Variants in TMEM165 observed in about 807,000 individuals in gnomAD.
The protein encoded by TMEM165 is transmembrane protein 165, also known as putative divalent cation/proton antiporter TMEM165.
TMEM165 carries 19 observed loss-of-function variants against 30.0 expected under a neutral mutation model. The ratio of observed to expected loss-of-function variants is 0.63; its 90% CI spans 0.44 to 0.93. TMEM165 has a LOEUF of 0.93. Among genes scored for constraint, TMEM165 ranks in the 40% least tolerant of loss-of-function variants. The pLI is 0.00. For missense variants in TMEM165, 340 were observed against 417.0 expected, an observed-to-expected ratio of 0.82 and a Z score of 1.61; for synonymous variants, 168 against 162.9, an observed-to-expected ratio of 1.03 and a Z score of -0.24.
Position 55,406,296 on chromosome 4 carries a change from A to C in TMEM165, c.208-5318A>C, listed in dbSNP as rs142634983. 3.0e-3 allele frequency among the ~76,000 whole-genome samples: 464 copies of C among 152,364 alleles called. 2 individuals carry two copies. Among genetic ancestry groups the C allele is most frequent in the African/African-American group, 0.01 (427 of 41,582 alleles). The stretch of plus-strand genomic sequence containing the variant: ...TTGAAATGGTACATAGCATGTGTCT[A>C]TAATGGTGTGAAAGTTAAAAATTCC... On this transcript the variant is annotated intron_variant, in intron 1 of 5. Coordinates refer to ENST00000381334, the MANE Select transcript of TMEM165 (RefSeq NM_018475.5).
chr4:55,448,601 C>CGCGCGCACGCGCGCGCGCGTGT (rs764071880), intron 3 of TMEM165, among the ~76,000 whole-genome samples: 3 of 116,980 alleles, frequency 2.6e-5, no homozygotes, highest in Non-Finnish European at 3.6e-5. Flanking sequence ...CGCACGCGCG[C>CGCGCGCACGCGCGCGCGCGTGT]GTGTGTGTGT....
At chr4:55,403,419 ATTTTCT>A (rs1411625725) in intron 1 of TMEM165, 2 of 677,404 alleles carry the variant, frequency 3.0e-6, no homozygotes, top group Non-Finnish European at 3.8e-6. Flanking sequence ...TTTTTCTTTG[ATTTTCT>A]TTTTCTTCCT....
intron 1 of TMEM165, among the ~76,000 whole-genome samples, chr4:55,405,755 T>G (rs1294857245): frequency 1.3e-5 from 2 of 152,176 alleles, no homozygotes; most frequent in Admixed American, 6.5e-5. Flanking sequence ...ATTGATCCAG[T>G]GGCTGATACT....
chr4:55,429,729 A>T (rs1363084364), downstream of TMEM165: 1 of 152,224 alleles, frequency 6.6e-6, no homozygotes, highest in Non-Finnish European at 1.5e-5. Flanking sequence ...TGGGGAAGTA[A>T]TCACACAAAA....
chr4:55,415,304 G>C (rs991330894), intron 2 of TMEM165: 1 of 152,048 alleles, frequency 6.6e-6, no homozygotes, highest in African/African-American at 2.4e-5. Context: ...CTATTTTGCT[G>C]CTTAAATTAT....
intron 3 of TMEM165, chr4:55,433,053 G>GT: frequency 6.6e-6 from 1 of 152,606 alleles, no homozygotes. Flanking sequence ...AGCTAAATCC[G>GT]TATCACTAGG....
intron 1 of TMEM165, among the ~76,000 whole-genome samples, chr4:55,407,578 A>G (rs528265785): frequency 4.6e-5 from 7 of 152,292 alleles, no homozygotes; most frequent in Non-Finnish European, 8.8e-5. Context: ...AAATTGTATT[A>G]TGTGGCCTAC....
intron 1 of TMEM165, among the ~76,000 whole-genome samples, chr4:55,403,511 TTACAA>T: frequency 1.4e-5 from 2 of 147,828 alleles, no homozygotes. Flanking sequence ...TTTTTTTTTT[TTACAA>T]TTTTTACATT....
chr4:55,444,594 G>A, intron 3 of TMEM165: 1 of 1,612,964 alleles, frequency 6.2e-7, no homozygotes, highest in Non-Finnish European at 8.5e-7. Flanking sequence ...TCCAAAATGT[G>A]AATGGGATGC....
intron 3 of TMEM165, among the ~76,000 whole-genome samples, chr4:55,447,370 A>AAC (rs1302674364): frequency 6.6e-6 from 1 of 152,160 alleles, no homozygotes; most frequent in East Asian, 1.9e-4. Flanking sequence ...TCTCAAAAAA[A>AAC]AATTAAAAAG....
intron 1 of TMEM165, among the ~76,000 whole-genome samples, chr4:55,410,457 T>C (rs889056611): frequency 3.3e-5 from 5 of 152,120 alleles, no homozygotes; most frequent in African/African-American, 1.2e-4. Flanking sequence ...TCATTGCCCA[T>C]TGTGCAATGG....
At chr4:55,442,453 A>C (rs1233359135) in intron 3 of TMEM165, 1 of 1,609,222 alleles carries the variant, frequency 6.2e-7, no homozygotes, top group East Asian at 2.2e-5. Context: ...GTCCTGAGTG[A>C]ATGTAGTTAC....
chr4:55,417,193 G>A lies in TMEM165; in HGVS notation c.555G>A (p.Glu185=). ...AAGGCTTAAAGATGAGCCCTGATGA[G>A]GGTCAAGAGGAACTGGAAGAAGTTC... The part of the protein sequence containing the change: ...LREGLKMSPD[E]GQEELEEVQA... The change falls in exon 3 of 6, where the codon GAG becomes GAA. Residue 185 remains glutamate, a synonymous_variant. Transcript: ENST00000381334. 1 of 1,613,452 alleles carries A rather than the reference G, an allele frequency of 6.2e-7. No homozygotes were observed. The highest frequency in any genetic ancestry group is 1.3e-5 in the African/African-American group (1 of 74,954).
chr4:55,434,640 C>T (rs1038134420), intron 3 of TMEM165: 3 of 152,096 alleles, frequency 2.0e-5, no homozygotes, highest in African/African-American at 7.3e-5. Flanking sequence ...ACTGAACAAA[C>T]TGTGACATCA....
At chr4:55,416,464 G>A (rs2109550650) in intron 2 of TMEM165, among the ~76,000 whole-genome samples, 1 of 152,198 alleles carries the variant, frequency 6.6e-6, no homozygotes, top group South Asian at 2.1e-4. Context: ...CCTTATCAGT[G>A]GGAAAGAGTG....
At chr4:55,414,974 A>G (rs1721664741) in intron 2 of TMEM165, among the ~76,000 whole-genome samples, 2 of 152,164 alleles carry the variant, frequency 1.3e-5, no homozygotes, top group African/African-American at 4.8e-5. Flanking sequence ...GACCCAGTCA[A>G]TATTTCTTTT....
chr4:55,396,836 A>G (rs1720748857), intron 1 of TMEM165, among the ~76,000 whole-genome samples: 1 of 152,184 alleles, frequency 6.6e-6, no homozygotes, highest in South Asian at 2.1e-4. Context: ...TCAACTTGGC[A>G]CTGCCTGTGC....
chr4:55,406,662 T>C (rs1053165109), intron 1 of TMEM165, among the ~76,000 whole-genome samples: 4 of 152,236 alleles, frequency 2.6e-5, no homozygotes, highest in African/African-American at 4.8e-5. Flanking sequence ...GTTGTTTTTT[T>C]CTTTCTCTTT....
intron 3 of TMEM165, chr4:55,443,667 G>A (rs745780630): frequency 9.5e-5 from 152 of 1,593,962 alleles, no homozygotes; most frequent in Admixed American, 5.7e-4. Flanking sequence ...TCCATAGCCC[G>A]CTGTGCTCAG....
Sources: gnomAD v4.1 joint callset for allele counts (sites outside exome capture counted in the v4.1 genomes callset) on GRCh38, gnomAD v4.1.1 for gene constraint, MANE v1.5 for transcripts, NCBI Gene and HGNC (gene_info 2026-07-23, HGNC 2026-07-21) for gene names.